FANCB: variants seen among roughly 807,000 people sequenced by gnomAD.
The protein encoded by FANCB is FA complementation group B.
In FANCB, 5 loss-of-function variants were observed where a neutral mutation model predicts 38.9. The ratio of observed to expected loss-of-function variants is 0.13; its 90% CI spans 0.07 to 0.27. FANCB has a LOEUF of 0.27. Ranked by LOEUF, FANCB falls within the 10% of genes least tolerant of loss-of-function variation. The pLI, the probability that FANCB is intolerant of heterozygous loss-of-function variation, is 1.00. For synonymous variants in FANCB, 236 were observed against 215.4 expected (o/e 1.10, Z -0.84); for missense variants, 573 against 602.7 (o/e 0.95, Z 0.52).
chrX:14,727,287 G>C, the FANCB span, among the ~76,000 whole-genome samples: 1 of 111,954 alleles, frequency 8.9e-6, no homozygotes, highest in Non-Finnish European at 1.9e-5. Flanking sequence ...ACAGATCCCA[G>C]CTCAGCCTTG....
chrX:14,812,186 G>C, the FANCB span, among the ~76,000 whole-genome samples: 106 of 110,525 alleles, frequency 9.6e-4, 1 homozygote, highest in Non-Finnish European at 1.6e-3. Context: ...GAAATTTATA[G>C]CACTAAATGC....
At chrX:14,866,975 C>T (rs754958379) in intron 2 of FANCB, among the ~76,000 whole-genome samples, 3 of 111,382 alleles carry the variant, frequency 2.7e-5, no homozygotes, top group South Asian at 7.3e-4. Flanking sequence ...GAAAACAATT[C>T]CATTTACAAA....
At chrX:14,762,809 G>A in the FANCB span, among the ~76,000 whole-genome samples, 1 of 112,506 alleles carries the variant, frequency 8.9e-6, no homozygotes, top group African/African-American at 3.2e-5. Context: ...TGTAATAGCA[G>A]CCAACTCTTC....
At chrX:14,692,728 A>C in the FANCB span, among the ~76,000 whole-genome samples, 5 of 111,785 alleles carry the variant, frequency 4.5e-5, no homozygotes, top group African/African-American at 1.6e-4. Context: ...CCTAGACCAA[A>C]GATGGAAAAT....
intron 6 of FANCB, among the ~76,000 whole-genome samples, chrX:14,852,560 G>A (rs1329656850): frequency 9.0e-6 from 1 of 111,225 alleles, no homozygotes; most frequent in Non-Finnish European, 1.9e-5. Flanking sequence ...TAGCAGTGTA[G>A]GAACATTTGC....
the FANCB span, among the ~76,000 whole-genome samples, chrX:14,803,670 A>T: frequency 1.8e-5 from 2 of 111,738 alleles, no homozygotes; most frequent in Non-Finnish European, 3.8e-5. Flanking sequence ...GAGATTAAGG[A>T]GGAGAAGAAA....
chrX:14,819,491 G>A, the FANCB span, among the ~76,000 whole-genome samples: 173 of 111,632 alleles, frequency 1.5e-3, no homozygotes, highest in Middle Eastern at 9.3e-3. Flanking sequence ...GCAATTGGAT[G>A]GAAGAACCGA....
chrX:14,847,961 ATAAT>A (rs1371363348), intron 7 of FANCB, among the ~76,000 whole-genome samples: 6 of 112,209 alleles, frequency 5.3e-5, no homozygotes, highest in South Asian at 3.7e-4. Flanking sequence ...AATAAATGTA[ATAAT>A]TAATAGAAAA....
chrX:14,695,689 T>C, the FANCB span, among the ~76,000 whole-genome samples: 6 of 111,904 alleles, frequency 5.4e-5, no homozygotes, highest in African/African-American at 1.9e-4. Flanking sequence ...AATGGGAGAA[T>C]GACTATGGTT....
intron 5 of FANCB, among the ~76,000 whole-genome samples, chrX:14,855,614 TTCAG>T (rs746346521): frequency 8.0e-5 from 9 of 112,614 alleles, no homozygotes; most frequent in Admixed American, 1.9e-4. Context: ...AGTTTTTTAT[TTCAG>T]TGTGTTTTTG....
chrX:14,839,314 AC>A (rs1455750723), downstream of FANCB, among the ~76,000 whole-genome samples: 3 of 109,950 alleles, frequency 2.7e-5, no homozygotes, highest in East Asian at 2.8e-4. Flanking sequence ...AACAACAACA[AC>A]AACAAAAAAA....
chrX:14,778,923 T>C, the FANCB span, among the ~76,000 whole-genome samples: 4 of 112,386 alleles, frequency 3.6e-5, no homozygotes, highest in African/African-American at 1.3e-4. Context: ...AAATGGTCTA[T>C]AACCTGTGAC....
the FANCB span, among the ~76,000 whole-genome samples, chrX:14,769,861 CTTAT>C: frequency 8.9e-6 from 1 of 112,055 alleles, no homozygotes; most frequent in Middle Eastern, 4.7e-3. Context: ...TCTCTTTGTT[CTTAT>C]TTGTTTCAAA....
chrX:14,790,726 T>C, the FANCB span, among the ~76,000 whole-genome samples: 44 of 111,210 alleles, frequency 4.0e-4, no homozygotes, highest in East Asian at 0.013. Context: ...AGGCAGACTG[T>C]TTAGAGTGTT....
At chrX:14,698,241 G>A in the FANCB span, among the ~76,000 whole-genome samples, 2 of 111,454 alleles carry the variant, frequency 1.8e-5, no homozygotes, top group African/African-American at 6.5e-5. Context: ...GAGTACTGGA[G>A]TTTTGGGTAC....
chrX:14,841,677 G>A (rs1453639748), downstream of FANCB, among the ~76,000 whole-genome samples: 1 of 111,724 alleles, frequency 9.0e-6, no homozygotes, highest in Non-Finnish European at 1.9e-5. Context: ...GGAGGACTGT[G>A]TTTTTGAGGG....
At chrX:14,738,124 C>T in the FANCB span, among the ~76,000 whole-genome samples, 1 of 112,131 alleles carries the variant, frequency 8.9e-6, no homozygotes, top group South Asian at 3.7e-4. Context: ...TAGGCAAAGG[C>T]GTCTTGGATG....
At chrX:14,760,153 T>C in the FANCB span, among the ~76,000 whole-genome samples, 10 of 112,076 alleles carry the variant, frequency 8.9e-5, no homozygotes, top group African/African-American at 3.2e-4. Context: ...AATTCACACA[T>C]AACAATATTA....
chrX:14,860,976 G>C (rs1485382556), intron 3 of FANCB, among the ~76,000 whole-genome samples: 2 of 110,514 alleles, frequency 1.8e-5, no homozygotes, highest in Non-Finnish European at 3.8e-5. Context: ...TTGAACTCCT[G>C]GGCTCTAACA....
Sources: allele counts gnomAD v4.1 joint callset (sites outside exome capture counted in the v4.1 genomes callset), GRCh38; gene constraint gnomAD v4.1.1; transcripts MANE v1.5; gene names NCBI Gene and HGNC (gene_info 2026-07-23, HGNC 2026-07-21).